The following BRCA1 variants were observed in gnomAD, a reference collection of about 807,000 sequenced individuals.
BRCA1 encodes the protein BRCA1 DNA repair associated, also known as breast cancer type 1 susceptibility protein.
Under a neutral mutation model 173.7 loss-of-function variants are expected in BRCA1, and 140 were observed. The ratio of observed to expected loss-of-function variants is 0.81; its 90% CI spans 0.70 to 0.93. The LOEUF is 0.93. BRCA1 is among the 40% of genes least tolerant of loss of function. The probability of loss-of-function intolerance (pLI) is 0.00; values close to 1 mark genes in which losing one functional copy is unlikely to be tolerated. For missense variants in BRCA1, 1,983 were observed against 2,172.5 expected, an observed-to-expected ratio of 0.91 and a Z score of 1.73; for synonymous variants, 662 against 756.0, an observed-to-expected ratio of 0.88 and a Z score of 2.04.
intron 1 of BRCA1, among the ~76,000 whole-genome samples, chr17:43,124,515 C>T (rs2055774511): frequency 6.6e-6 from 1 of 152,182 alleles, no homozygotes; most frequent in South Asian, 2.1e-4. Context: ...CGCCCCTAAC[C>T]TTTCCCAGTG....
chr17:43,096,141 C>T (rs201855886), intron 8 of BRCA1, among the ~76,000 whole-genome samples: 1 of 152,044 alleles, frequency 6.6e-6, no homozygotes, highest in East Asian at 1.9e-4. Flanking sequence ...CTTTGGGAGG[C>T]TGAGGCGGGT....
chr17:43,087,664 G>GAAA (rs1302904943), intron 11 of BRCA1, among the ~76,000 whole-genome samples: 3 of 66,920 alleles, frequency 4.5e-5, no homozygotes, highest in Admixed American at 1.7e-4. Flanking sequence ...CTCCATCTCA[G>GAAA]AAAAAAAAAA....
At chr17:43,065,560 A>G (rs1288908799) in intron 16 of BRCA1, among the ~76,000 whole-genome samples, 1 of 152,164 alleles carries the variant, frequency 6.6e-6, no homozygotes, top group Non-Finnish European at 1.5e-5. Flanking sequence ...GCTACTCGGG[A>G]GGCTGAGGCA....
At chr17:43,050,041 A>G (rs1412646437) in intron 20 of BRCA1, 2 of 398,534 alleles carry the variant, frequency 5.0e-6, no homozygotes, top group Non-Finnish European at 8.8e-6. Context: ...TAACTAATAA[A>G]GAGGATGGAA....
chr17:43,131,831 T>C (rs2055968764), intron 1 of BRCA1, among the ~76,000 whole-genome samples: 3 of 152,196 alleles, frequency 2.0e-5, no homozygotes, highest in Non-Finnish European at 4.4e-5. Flanking sequence ...TCATCCAGGC[T>C]GCAGTGCAGT....
chr17:43,123,086 C>G (rs1027604406), intron 2 of BRCA1, among the ~76,000 whole-genome samples: 12 of 151,438 alleles, frequency 7.9e-5, no homozygotes, highest in Non-Finnish European at 1.3e-4. Context: ...CAAAAATTAG[C>G]TGGGCATGGT....
At position 43,080,493 on chromosome 17, in the gene BRCA1, G is replaced by A. The variant is rs529640053; in HGVS notation, c.4357+1911C>T. Among the ~76,000 whole-genome samples, 6 of 150,324 alleles carry A rather than the reference G, an allele frequency of 4.0e-5. No individual in the cohort carries two copies. In the South Asian group the frequency reaches 1.1e-3, roughly 28 times the overall value. On this transcript the variant is annotated intron_variant, in intron 12 of 22. Coordinates refer to ENST00000357654, the MANE Select transcript of BRCA1 (RefSeq NM_007294.4). Reference sequence around the variant, plus strand: ...GTTACAGGCGTGAGCCACCGTACCCGGCAACAATATTCTTTTTACTAGAAG... The same window carrying A: ...GTTACAGGCGTGAGCCACCGTACCCAGCAACAATATTCTTTTTACTAGAAG...
intron 1 of BRCA1, chr17:43,164,601 G>A (rs2056255627): frequency 6.6e-6 from 1 of 152,340 alleles, no homozygotes; most frequent in Admixed American, 6.5e-5. Flanking sequence ...TAGTTTGGCA[G>A]GGTTTTCCTC....
intron 14 of BRCA1, among the ~76,000 whole-genome samples, chr17:43,073,112 G>A (rs1012959147): frequency 3.9e-5 from 6 of 151,988 alleles, no homozygotes; most frequent in African/African-American, 1.4e-4. Flanking sequence ...TAGGAAGATT[G>A]CATGAGGCCA....
chr17:43,152,705 A>C (rs1383130977), intron 1 of BRCA1, among the ~76,000 whole-genome samples: 1 of 152,116 alleles, frequency 6.6e-6, no homozygotes. Context: ...AATACAAAAA[A>C]TTAACTGGGC....
At chr17:43,089,865 G>A (rs1281429238) in intron 11 of BRCA1, among the ~76,000 whole-genome samples, 1 of 151,760 alleles carries the variant, frequency 6.6e-6, no homozygotes, top group African/African-American at 2.4e-5. Flanking sequence ...AAATTAGCTG[G>A]AGGTGTTGGT....
intron 3 of BRCA1, among the ~76,000 whole-genome samples, chr17:43,108,433 G>T (rs546346507): frequency 6.6e-6 from 1 of 151,552 alleles, no homozygotes; most frequent in East Asian, 1.9e-4. Context: ...TCTCTTGGCC[G>T]GGTGCAGTGG....
intron 1 of BRCA1, chr17:43,169,829 C>T (rs33946455): frequency 0.34 from 94,687 of 280,746 alleles, 16,937 homozygotes; most frequent in South Asian, 0.5. Context: ...CACGGCCTGT[C>T]CCCCGTCCAG....
upstream of BRCA1, among the ~76,000 whole-genome samples, chr17:43,126,771 C>G (rs553456571): frequency 1.3e-5 from 2 of 152,316 alleles, no homozygotes; most frequent in East Asian, 3.9e-4. Flanking sequence ...CGCCACTGCG[C>G]TGTGGGGGCC....
At chr17:43,121,400 A>G (rs1406578098) in intron 2 of BRCA1, among the ~76,000 whole-genome samples, 1 of 151,138 alleles carries the variant, frequency 6.6e-6, no homozygotes. Flanking sequence ...AACAAAACAA[A>G]AAGTCTGGGA....
At chr17:43,114,495 T>C (rs1174505262) in intron 3 of BRCA1, among the ~76,000 whole-genome samples, 1 of 149,346 alleles carries the variant, frequency 6.7e-6, no homozygotes, top group Non-Finnish European at 1.5e-5. Context: ...CCCAGAAAAA[T>C]GTACATGGCC....
chr17:43,138,479 CCGTAGACTCCAT>C lies in BRCA1; in HGVS notation c.-19-14376_-19-14365del, dbSNP rs567393884. The C allele has an allele frequency of 1.1e-4, 71 of 618,792 alleles. No homozygotes were observed. The African/African-American group carries it at 1.2e-3, about 10-fold the overall frequency. 38.3% of individuals were successfully genotyped at this position (618,792 alleles called of 1,614,324 possible). On this transcript the variant is annotated intron_variant, in intron 1 of 7. Transcript: ENST00000634433. ...GCTAGGTCTCCACCATGTGACTCCACCGTAGACTCCATGCCTTCTTCTTTTGCAAAGCCTCGG... is the reference window on the plus strand; with the variant it reads ...GCTAGGTCTCCACCATGTGACTCCACGCCTTCTTCTTTTGCAAAGCCTCGG...
chr17:43,094,406 T>C lies in BRCA1; in HGVS notation c.1125A>G (p.Leu375=), dbSNP rs1060504578. The C allele has an allele frequency of 1.9e-6, 3 of 1,614,214 alleles. No homozygotes were observed. Among genetic ancestry groups the C allele is most frequent in the Non-Finnish European group, 2.5e-6 (3 of 1,180,042 alleles). The part of the protein sequence containing the change: ...RDTEDVPWIT[L]NSSIQKVNEW... ...CATTAACTTTCTGAATGCTGCTATTTAGTGTTATCCAAGGAACATCTTCAG... is the reference window on the plus strand; with the variant it reads ...CATTAACTTTCTGAATGCTGCTATTCAGTGTTATCCAAGGAACATCTTCAG... The change falls in exon 10 of 23, where the codon CTA becomes CTG. Residue 375 remains leucine, a synonymous_variant. Transcript: ENST00000357654.
rs1165304434 is a variant in BRCA1 at position 43,143,066 on chromosome 17, G to GTA, written c.-19-18953_-19-18952dup. Reference sequence around the variant, plus strand: ...TATGTATATATGTGTATATATATATGTATATATATGTGTGTGTGTATATTT... The same window carrying GTA: ...TATGTATATATGTGTATATATATATGTATATATATATGTGTGTGTGTATATTT... On this transcript the variant is annotated intron_variant, in intron 1 of 7. Coordinates refer to the BRCA1 transcript ENST00000634433. Among the ~76,000 whole-genome samples the GTA allele has an allele frequency of 2.8e-4, 41 of 148,800 alleles. No homozygotes were observed. In the East Asian group the frequency reaches 7.4e-3, roughly 27 times the overall value.
Sources: gnomAD v4.1 joint callset for allele counts (sites outside exome capture counted in the v4.1 genomes callset) on GRCh38, gnomAD v4.1.1 for gene constraint, MANE v1.5 for transcripts, NCBI Gene and HGNC (gene_info 2026-07-23, HGNC 2026-07-21) for gene names.